GADL1: variants seen among roughly 807,000 people sequenced by gnomAD.
GADL1 encodes acidic amino acid decarboxylase GADL1.
GADL1 carries 71 observed loss-of-function variants against 69.5 expected under a neutral mutation model. That is an observed-to-expected ratio of 1.02 (90% CI 0.84 to 1.25). The LOEUF is 1.25. Among genes scored for constraint, GADL1 ranks in the 50% most tolerant of loss-of-function variants. The pLI is 0.00. For synonymous variants in GADL1, 254 were observed against 214.4 expected (o/e 1.18, Z -1.62); for missense variants, 737 against 631.8 (o/e 1.17, Z -1.79).
chr3:30,747,659 A>C (rs1028332601), intron 14 of GADL1, among the ~76,000 whole-genome samples: 10 of 152,182 alleles, frequency 6.6e-5, no homozygotes, highest in African/African-American at 2.2e-4. Context: ...TTTCCTTTGA[A>C]ATGAAGACTG....
At chr3:30,816,530 CTTTTTTTTTTTTTTTTTTTTTTT>C (rs773530741) in intron 11 of GADL1, among the ~76,000 whole-genome samples, 540 of 53,992 alleles carry the variant, frequency 0.01, 16 homozygotes, top group African/African-American at 0.029. Context: ...AATTTGTTTT[CTTTTTTTTTTTTTTTTTTTTTTT>C]TTTTTTTTTT....
rs921933660 is a variant in GADL1, at chr3:30,727,560, G to A, written c.*682C>T. ...AGTTTCTCTCTTTAAAAATAGCTTTGACATGCTTCTGATGTCCTTAAATAT... is the reference window on the plus strand; with the variant it reads ...AGTTTCTCTCTTTAAAAATAGCTTTAACATGCTTCTGATGTCCTTAAATAT... On this transcript the variant is annotated 3_prime_UTR_variant, in exon 15 of 15. Coordinates refer to ENST00000282538, the MANE Select transcript of GADL1 (RefSeq NM_207359.3). 6.6e-5 allele frequency: 10 copies of A among 152,078 alleles called. No individual in the cohort carries two copies. The highest frequency in any genetic ancestry group is 2.2e-4 in the African/African-American group (9 of 41,502). The allele number at this position is 152,078 out of a possible 1,614,324, so 9.4% of individuals were successfully genotyped here.
chr3:30,825,539 C>T (rs114033285), intron 11 of GADL1, among the ~76,000 whole-genome samples: 2,114 of 151,950 alleles, frequency 0.014, 32 homozygotes, highest in Non-Finnish European at 0.021. Context: ...AAGATATCTT[C>T]CTTGGAAACC....
At position 30,849,874 on chromosome 3, in the gene GADL1, T is replaced by C; in HGVS notation, c.651+122A>G. 6.5e-6 allele frequency: 4 copies of C among 618,332 alleles called. No homozygotes were observed. In the South Asian group the frequency reaches 8.3e-5, roughly 13 times the overall value. The allele number at this position is 618,332 out of a possible 1,614,324, so 38.3% of individuals were successfully genotyped here. A position where few individuals can be genotyped will look rare whatever the true frequency, so the allele number is the denominator to read the frequency against. Reference sequence around the variant, plus strand: ...ATTTACTTTGGAATGAAATACTATGTTATACTGCAGCATATTAGTCACATG... The same window carrying C: ...ATTTACTTTGGAATGAAATACTATGCTATACTGCAGCATATTAGTCACATG... On this transcript the variant is annotated intron_variant, in intron 6 of 14. Coordinates refer to ENST00000282538, the MANE Select transcript of GADL1 (RefSeq NM_207359.3).
At chr3:30,785,808 C>T (rs1696776418) in intron 13 of GADL1, among the ~76,000 whole-genome samples, 1 of 144,356 alleles carries the variant, frequency 6.9e-6, no homozygotes, top group African/African-American at 2.9e-5. Context: ...TCTTAAAAAC[C>T]AGAATTACAC....
intron 2 of GADL1, among the ~76,000 whole-genome samples, chr3:30,858,081 A>C (rs1698256921): frequency 6.6e-6 from 1 of 152,004 alleles, no homozygotes. Context: ...CTTTTTACAA[A>C]GCACTTATCA....
At chr3:30,812,408 T>C (rs1351267059) in intron 11 of GADL1, among the ~76,000 whole-genome samples, 3 of 152,200 alleles carry the variant, frequency 2.0e-5, no homozygotes, top group Non-Finnish European at 2.9e-5. Context: ...GAAGCCCTCA[T>C]AATCATGGTG....
chr3:30,874,642 T>G (rs770843739), intron 1 of GADL1, among the ~76,000 whole-genome samples: 1 of 151,974 alleles, frequency 6.6e-6, no homozygotes, highest in Admixed American at 6.6e-5. Flanking sequence ...CTAAGTGTTA[T>G]CTACATTCCA....
intron 14 of GADL1, among the ~76,000 whole-genome samples, chr3:30,744,828 T>C (rs911438420): frequency 6.6e-6 from 1 of 152,118 alleles, no homozygotes; most frequent in Non-Finnish European, 1.5e-5. Flanking sequence ...AGAAAACAAA[T>C]GAGAGTGGCC....
At chr3:30,830,780 C>T (rs1180421165) in intron 11 of GADL1, among the ~76,000 whole-genome samples, 1 of 151,950 alleles carries the variant, frequency 6.6e-6, no homozygotes, top group Non-Finnish European at 1.5e-5. Context: ...GTGACTTCCT[C>T]ACTTGAATAT....
At chr3:30,855,918 C>T (rs185624020) in intron 3 of GADL1, among the ~76,000 whole-genome samples, 3 of 133,696 alleles carry the variant, frequency 2.2e-5, no homozygotes, top group African/African-American at 9.2e-5. Flanking sequence ...GGAAAACTTC[C>T]TCTGATCTGG....
At chr3:30,874,859 G>C (rs1698555278) in intron 1 of GADL1, among the ~76,000 whole-genome samples, 1 of 151,874 alleles carries the variant, frequency 6.6e-6, no homozygotes, top group South Asian at 2.1e-4. Flanking sequence ...GCTGTCTATA[G>C]TTGTACCAAA....
chr3:30,867,428 A>T (rs917391214), intron 1 of GADL1, among the ~76,000 whole-genome samples: 1 of 144,732 alleles, frequency 6.9e-6, no homozygotes, highest in Admixed American at 6.8e-5. Flanking sequence ...TACTACATAT[A>T]TATATATATA....
intron 3 of GADL1, 54 bp from the exon 4 acceptor site, chr3:30,854,843 T>A: frequency 1.2e-6 from 1 of 827,276 alleles, no homozygotes; most frequent in Non-Finnish European, 2.0e-6. Context: ...AAAAAACTAC[T>A]GATACAGCAT....
rs569250321 is a variant in GADL1 at position 30,886,534 on chromosome 3, G to A, written c.37+8044C>T. Among the ~76,000 whole-genome samples, 65 of 152,256 alleles carry A rather than the reference G, an allele frequency of 4.3e-4. 3 individuals are homozygous for A. In the South Asian group the frequency reaches 0.013, roughly 30 times the overall value. On this transcript the variant is annotated intron_variant, in intron 1 of 14. Coordinates refer to ENST00000282538, the MANE Select transcript of GADL1 (RefSeq NM_207359.3). Reference sequence around the variant, plus strand: ...GCAAGGCCAAGGGATGGGGAGTGGGGTGGAATAGCAATGTCTGACAAAGGG... The same window carrying A: ...GCAAGGCCAAGGGATGGGGAGTGGGATGGAATAGCAATGTCTGACAAAGGG...
rs188998083 is a variant in GADL1, at chr3:30,755,290, T to A, written c.1392+22889A>T. Among the ~76,000 whole-genome samples the A allele has an allele frequency of 8.9e-4, 107 of 120,692 alleles. No individual in the cohort carries two copies. In the Middle Eastern group the frequency reaches 0.017, roughly 19 times the overall value. The allele number at this position is 120,692 out of a possible 152,430, so 79.2% of individuals were successfully genotyped here. A position where few individuals can be genotyped will look rare whatever the true frequency, so the allele number is the denominator to read the frequency against. On this transcript the variant is annotated intron_variant, in intron 14 of 14. Transcript: ENST00000282538. ...ATGGTGAAACCATCAGCTTGATTTATTAACCTGGATGCTTTTCTTATTAAA... is the reference window on the plus strand; with the variant it reads ...ATGGTGAAACCATCAGCTTGATTTAATAACCTGGATGCTTTTCTTATTAAA...
chr3:30,824,588 G>A (rs1697651776), intron 11 of GADL1, among the ~76,000 whole-genome samples: 1 of 151,608 alleles, frequency 6.6e-6, no homozygotes, highest in African/African-American at 2.4e-5. Context: ...TATTCACATA[G>A]AATAGTATAA....
At chr3:30,893,307 C>A (rs1260986460) in intron 1 of GADL1, among the ~76,000 whole-genome samples, 3 of 151,956 alleles carry the variant, frequency 2.0e-5, no homozygotes, top group East Asian at 3.9e-4. Flanking sequence ...TTATGGGCTA[C>A]AATATGATGC....
intron 14 of GADL1, among the ~76,000 whole-genome samples, chr3:30,775,916 C>A (rs975594544): frequency 6.6e-6 from 1 of 152,106 alleles, no homozygotes; most frequent in Non-Finnish European, 1.5e-5. Flanking sequence ...GAAACCCCAT[C>A]TCGACAAAAA....
Sources: allele counts gnomAD v4.1 joint callset (sites outside exome capture counted in the v4.1 genomes callset), GRCh38; gene constraint gnomAD v4.1.1; transcripts MANE v1.5; gene names NCBI Gene and HGNC (gene_info 2026-07-23, HGNC 2026-07-21).